The following CSMD1 variants were observed in gnomAD, a reference collection of about 807,000 sequenced individuals.
CSMD1 encodes the protein CUB and Sushi multiple domains 1.
A neutral mutation model predicts 417.5 loss-of-function variants in CSMD1; 213 were observed. The observed-to-expected ratio is 0.51, with a 90% CI of 0.46 to 0.57. The LOEUF (loss-of-function observed/expected upper bound fraction) is 0.57, where lower values mean the gene tolerates loss of function less well. Among genes scored for constraint, CSMD1 ranks in the 20% least tolerant of loss-of-function variants. The pLI, the probability that CSMD1 is intolerant of heterozygous loss-of-function variation, is 0.00. For missense variants in CSMD1, 6,923 were observed against 4,529.7 expected, an observed-to-expected ratio of 1.53 and a Z score of -15.17; for synonymous variants, 2,862 against 1,736.8, an observed-to-expected ratio of 1.65 and a Z score of -16.11.
chr8:2,941,418 C>T (rs999589089), intron 69 of CSMD1, among the ~76,000 whole-genome samples: 2 of 152,136 alleles, frequency 1.3e-5, no homozygotes, highest in African/African-American at 4.8e-5. Flanking sequence ...TTTAACCTAT[C>T]TAATTTTATT....
chr8:4,988,294 T>G (rs1811285956), intron 1 of CSMD1, among the ~76,000 whole-genome samples: 1 of 152,226 alleles, frequency 6.6e-6, no homozygotes, highest in South Asian at 2.1e-4. Flanking sequence ...GATGCAAGTA[T>G]CAAAGTATCC....
At chr8:3,157,702 C>T (rs1387553611) in intron 39 of CSMD1, among the ~76,000 whole-genome samples, 195 bp downstream of exon 39, 3 of 152,180 alleles carry the variant, frequency 2.0e-5, no homozygotes, top group Non-Finnish European at 2.9e-5. Flanking sequence ...ACTGAGAAGA[C>T]GGAGTTGCTG....
chr8:4,177,009 T>G (rs536978077), intron 3 of CSMD1, among the ~76,000 whole-genome samples: 78 of 152,068 alleles, frequency 5.1e-4, no homozygotes, highest in African/African-American at 1.6e-3. Context: ...CTGTCAACAT[T>G]AGAAATATCA....
intron 3 of CSMD1, among the ~76,000 whole-genome samples, chr8:4,090,338 C>G (rs967596780): frequency 6.6e-6 from 1 of 152,138 alleles, no homozygotes; most frequent in Admixed American, 6.5e-5. Context: ...AAACATGAGT[C>G]ATTATCTATC....
At chr8:4,447,631 G>T (rs1443980108) in intron 2 of CSMD1, among the ~76,000 whole-genome samples, 2 of 152,164 alleles carry the variant, frequency 1.3e-5, no homozygotes, top group Non-Finnish European at 2.9e-5. Context: ...CTTGTTCAAA[G>T]TCGACAGGTT....
intron 3 of CSMD1, among the ~76,000 whole-genome samples, chr8:4,180,780 A>C (rs1471723386): frequency 4.6e-5 from 7 of 152,252 alleles, no homozygotes; most frequent in Non-Finnish European, 8.8e-5. Flanking sequence ...GTGTTAATCT[A>C]ATATCTGTAT....
chr8:4,680,846 T>C (rs907658490), intron 1 of CSMD1, among the ~76,000 whole-genome samples: 2 of 151,998 alleles, frequency 1.3e-5, no homozygotes, highest in South Asian at 4.2e-4. Flanking sequence ...TCCCAAAGTG[T>C]TGGGATTATA....
intron 5 of CSMD1, among the ~76,000 whole-genome samples, chr8:3,926,051 TATACACAC>T (rs1355710480): frequency 6.5e-5 from 5 of 76,678 alleles, no homozygotes; most frequent in Middle Eastern, 6.3e-3. Flanking sequence ...ACAAACACCA[TATACACAC>T]ACACACACAC....
At chr8:3,377,280 A>G (rs1161814722) in intron 18 of CSMD1, among the ~76,000 whole-genome samples, 3 of 152,110 alleles carry the variant, frequency 2.0e-5, no homozygotes, top group Admixed American at 6.5e-5. Flanking sequence ...CCAATGTGCT[A>G]GGATTACAGG....
chr8:3,996,030 G>A (rs939457414), intron 5 of CSMD1, among the ~76,000 whole-genome samples: 1 of 152,138 alleles, frequency 6.6e-6, no homozygotes, highest in Non-Finnish European at 1.5e-5. Flanking sequence ...ATGATCAATT[G>A]TTGCCATAAA....
intron 3 of CSMD1, among the ~76,000 whole-genome samples, chr8:4,047,554 T>A (rs1446209410): frequency 7.1e-6 from 1 of 140,206 alleles, no homozygotes; most frequent in East Asian, 2.0e-4. Flanking sequence ...CCACAAATAT[T>A]TATAGAATGC....
intron 1 of CSMD1, among the ~76,000 whole-genome samples, chr8:4,808,332 C>T (rs1335985083): frequency 6.6e-6 from 1 of 152,124 alleles, no homozygotes; most frequent in Non-Finnish European, 1.5e-5. Context: ...ATCTTTCCAC[C>T]ACCCCTTCCT....
intron 5 of CSMD1, among the ~76,000 whole-genome samples, chr8:3,884,332 G>A (rs189748524): frequency 1.0e-3 from 157 of 152,282 alleles, no homozygotes; most frequent in Non-Finnish European, 1.9e-3. Flanking sequence ...ATACAAACTT[G>A]CATAAAGTAA....
At chr8:4,021,566 G>C (rs560881076) in intron 4 of CSMD1, among the ~76,000 whole-genome samples, 4 of 152,074 alleles carry the variant, frequency 2.6e-5, no homozygotes, top group Admixed American at 6.6e-5. Context: ...GGTGCACCTG[G>C]GATCATCCTC....
At chr8:4,757,304 T>C (rs969449856) in intron 1 of CSMD1, among the ~76,000 whole-genome samples, 3 of 152,208 alleles carry the variant, frequency 2.0e-5, no homozygotes, top group Non-Finnish European at 4.4e-5. Context: ...ACGTGACTAA[T>C]CATAACCTGG....
intron 10 of CSMD1, among the ~76,000 whole-genome samples, chr8:3,542,632 A>G (rs1370335671): frequency 6.6e-6 from 1 of 152,128 alleles, no homozygotes; most frequent in African/African-American, 2.4e-5. Flanking sequence ...ATGGAGATAC[A>G]TAGGAGGTAA....
chr8:3,452,245 A>G lies in CSMD1; in HGVS notation c.1561+16467T>C, dbSNP rs377649729. On this transcript the variant is annotated intron_variant, in intron 12 of 69. Transcript: ENST00000635120. The stretch of plus-strand genomic sequence containing the variant: ...AGACAATGGGGTTTTCTAAATATAC[A>G]ATCATGTCATCTGGAAAAAGGGACA... 6.6e-5 allele frequency among the ~76,000 whole-genome samples: 10 copies of G among 152,210 alleles called. No homozygotes were observed. The East Asian group carries it at 1.2e-3, about 18-fold the overall frequency.
intron 10 of CSMD1, among the ~76,000 whole-genome samples, chr8:3,570,561 G>C (rs563255363): frequency 8.3e-5 from 3 of 36,018 alleles, no homozygotes; most frequent in South Asian, 5.0e-4. Context: ...CCGCTCTAGA[G>C]AGGGGGCAGG....
chr8:4,053,131 C>G (rs372780438), intron 3 of CSMD1, among the ~76,000 whole-genome samples: 59 of 152,250 alleles, frequency 3.9e-4, no homozygotes, highest in African/African-American at 1.4e-3. Flanking sequence ...GGAAGCTTCT[C>G]CATGGGTGCA....
Sources: gnomAD v4.1 joint callset for allele counts (sites outside exome capture counted in the v4.1 genomes callset) on GRCh38, gnomAD v4.1.1 for gene constraint, MANE v1.5 for transcripts, NCBI Gene and HGNC (gene_info 2026-07-23, HGNC 2026-07-21) for gene names.